HOMER2: variants seen among roughly 807,000 people sequenced by gnomAD.
HOMER2 encodes the protein homer scaffold protein 2.
Under a neutral mutation model 47.0 loss-of-function variants are expected in HOMER2, and 27 were observed. The observed-to-expected ratio is 0.57, with a 90% CI of 0.42 to 0.79. The LOEUF (loss-of-function observed/expected upper bound fraction) is 0.79, where lower values mean the gene tolerates loss of function less well. HOMER2 is among the 30% of genes least tolerant of loss of function. The pLI, the probability that HOMER2 is intolerant of heterozygous loss-of-function variation, is 0.00. For synonymous variants in HOMER2, 161 were observed against 163.8 expected, an observed-to-expected ratio of 0.98 and a Z score of 0.13; for missense variants, 443 against 435.0, an observed-to-expected ratio of 1.02 and a Z score of -0.16.
rs796336767 is a variant in HOMER2, at chr15:82,923,343, G to T, written c.5+29188C>A. ...TCTACTAAAAATACAAAAAATTAGA[G>T]GGGTCTGGTGACACGTGCCTGCAGT... On this transcript the variant is annotated intron_variant, in intron 1 of 8. Transcript: ENST00000450735. Among the ~76,000 whole-genome samples the T allele has an allele frequency of 1.2e-4, 19 of 152,078 alleles. 1 individual carries two copies. The highest frequency in any genetic ancestry group is 4.3e-4 in the African/African-American group (18 of 41,484).
chr15:82,927,405 A>G (rs1423765156), intron 1 of HOMER2, among the ~76,000 whole-genome samples: 1 of 152,162 alleles, frequency 6.6e-6, no homozygotes, highest in East Asian at 1.9e-4. Flanking sequence ...ATAATTGAGG[A>G]ATTACTTTTG....
intron 5 of HOMER2, among the ~76,000 whole-genome samples, chr15:82,856,738 G>C (rs2051600300): frequency 6.6e-6 from 1 of 152,236 alleles, no homozygotes; most frequent in South Asian, 2.1e-4. Context: ...AAGGCAGGGG[G>C]TTGGATCTAA....
intron 1 of HOMER2, among the ~76,000 whole-genome samples, chr15:82,916,261 A>C (rs970217178): frequency 1.3e-5 from 2 of 152,262 alleles, no homozygotes; most frequent in Non-Finnish European, 2.9e-5. Context: ...CTCTGCTCCC[A>C]TTCTTATAAA....
In HOMER2 at chr15:82,837,606, G is replaced by C. The variant is rs527951017; in HGVS notation, c.*9668C>G. 7 of 152,336 alleles carry C rather than the reference G, an allele frequency of 4.6e-5. No homozygotes were observed. In the East Asian group the frequency reaches 1.3e-3, roughly 29 times the overall value. The allele number at this position is 152,336 out of a possible 1,614,324, so 9.4% of individuals were successfully genotyped here. Reference sequence around the variant, plus strand: ...CCTGGGGTCAGCGATCCTGAAGCCTGGTATTCATGAGGTCTTCAGAATGTC... The same window carrying C: ...CCTGGGGTCAGCGATCCTGAAGCCTCGTATTCATGAGGTCTTCAGAATGTC... On this transcript the variant is annotated 3_prime_UTR_variant, in exon 2 of 2. Coordinates refer to the HOMER2 transcript ENST00000558090.
At chr15:82,893,956 G>T (rs556328550) in intron 1 of HOMER2, among the ~76,000 whole-genome samples, 35 of 152,280 alleles carry the variant, frequency 2.3e-4, no homozygotes, top group Admixed American at 1.2e-3. Flanking sequence ...TAATATGATA[G>T]AATTATTTTT....
exon 2 of HOMER2, chr15:82,958,447 G>T (rs1298673638): frequency 6.6e-6 from 1 of 152,296 alleles, no homozygotes; most frequent in Non-Finnish European, 1.5e-5. Context: ...GGTAAGTTGG[G>T]ACCACTCTGT....
chr15:82,864,480 T>C (rs2051899146), intron 3 of HOMER2, among the ~76,000 whole-genome samples: 1 of 152,314 alleles, frequency 6.6e-6, no homozygotes, highest in South Asian at 2.1e-4. Context: ...GAAGCTAGTT[T>C]GATGATGATG....
chr15:82,864,353 C>T, intron 3 of HOMER2, 94 bp from the exon 4 acceptor site: 1 of 736,592 alleles, frequency 1.4e-6, no homozygotes. Context: ...CCATTTTAGG[C>T]CCATACATTC....
chr15:82,860,856 G>A (rs1257210172), intron 4 of HOMER2, among the ~76,000 whole-genome samples: 2 of 151,934 alleles, frequency 1.3e-5, no homozygotes, highest in East Asian at 3.9e-4. Flanking sequence ...AGGATCCCTT[G>A]AACCTGGGTG....
chr15:82,933,603 G>C (rs1444674043), intron 1 of HOMER2, among the ~76,000 whole-genome samples: 1 of 152,122 alleles, frequency 6.6e-6, no homozygotes, highest in Non-Finnish European at 1.5e-5. Flanking sequence ...CTCCTGCTCT[G>C]CATTCTCTCC....
At chr15:82,839,837 T>A (rs1184418331) in exon 2 of HOMER2, 2 of 152,220 alleles carry the variant, frequency 1.3e-5, no homozygotes, top group Non-Finnish European at 2.9e-5. Flanking sequence ...GAGAATATGC[T>A]TTCTTCTTCA....
Position 82,849,413 on chromosome 15 carries a change from G to A in HOMER2, c.*302C>T, listed in dbSNP as rs1263808460. 1 of 343,142 alleles carries A rather than the reference G, an allele frequency of 2.9e-6. No homozygotes were observed. The highest frequency in any genetic ancestry group is 5.1e-5 in the East Asian group (1 of 19,430). 21.3% of individuals were successfully genotyped at this position (343,142 alleles called of 1,614,324 possible). On this transcript the variant is annotated 3_prime_UTR_variant, in exon 9 of 9. Transcript: ENST00000450735. Reference sequence around the variant, plus strand: ...AAATGCGTGTTTTTTCAGTTCATATGGTTGCAACAGCCCTTATGAAAGATA... The same window carrying A: ...AAATGCGTGTTTTTTCAGTTCATATAGTTGCAACAGCCCTTATGAAAGATA...
At chr15:82,859,303 TG>T in intron 4 of HOMER2, 168 bp from the exon 5 acceptor site, 4 of 751,390 alleles carry the variant, frequency 5.3e-6, no homozygotes, top group East Asian at 5.7e-5. Flanking sequence ...AACAAGTTTT[TG>T]TTTTTTTTTT....
In HOMER2 at chr15:82,852,246, C is replaced by T. The variant is rs890670085; in HGVS notation, c.658G>A (p.Glu220Lys). ...ATCTCACTGCATTGTTCTTCCAGCT[C>T]ATCAATCTTCAATACACACCACACA... ...ENDRLRNKID[E>K]LEEQCSEINR... Residue 220 changes from glutamate to lysine, a missense_variant, in exon 7 of 9, where the codon GAG becomes AAG. Glu to Lys is a moderately conservative substitution (Grantham distance 56). Coordinates refer to ENST00000450735, the MANE Select transcript of HOMER2 (RefSeq NM_004839.4). The T allele has an allele frequency of 1.2e-6, 2 of 1,612,028 alleles. No homozygotes were observed. Among genetic ancestry groups the T allele is most frequent in the Admixed American group, 1.7e-5 (1 of 60,026 alleles).
chr15:82,902,669 G>C (rs1353908274), intron 1 of HOMER2, among the ~76,000 whole-genome samples: 1 of 152,160 alleles, frequency 6.6e-6, no homozygotes, highest in Non-Finnish European at 1.5e-5. Context: ...ACACTGTAAT[G>C]AAACAAATTA....
chr15:82,968,274 T>G (rs1283588528), intron 1 of HOMER2, among the ~76,000 whole-genome samples: 3 of 152,164 alleles, frequency 2.0e-5, no homozygotes, highest in Non-Finnish European at 4.4e-5. Flanking sequence ...TCCAGAATAT[T>G]TTATCGCCCC....
chr15:82,882,270 T>G (rs1461451604), intron 2 of HOMER2, among the ~76,000 whole-genome samples: 1 of 149,714 alleles, frequency 6.7e-6, no homozygotes, highest in Admixed American at 6.7e-5. Flanking sequence ...GTGGACACAG[T>G]ACACCTGCCA....
At chr15:82,948,807 C>T (rs886495704) in intron 1 of HOMER2, among the ~76,000 whole-genome samples, 6 of 152,336 alleles carry the variant, frequency 3.9e-5, no homozygotes, top group South Asian at 4.1e-4. Context: ...GGGGGAGCTG[C>T]GCCCAGCGCC....
At chr15:82,855,104 A>G (rs1413649996) in intron 5 of HOMER2, among the ~76,000 whole-genome samples, 3 of 152,112 alleles carry the variant, frequency 2.0e-5, no homozygotes, top group African/African-American at 7.2e-5. Flanking sequence ...TGGGAGGCCG[A>G]GGCGGGCGGA....
Sources: gnomAD v4.1 joint callset for allele counts (sites outside exome capture counted in the v4.1 genomes callset) on GRCh38, gnomAD v4.1.1 for gene constraint, MANE v1.5 for transcripts, NCBI Gene and HGNC (gene_info 2026-07-23, HGNC 2026-07-21) for gene names.